Variants in SIPA1L3 observed in about 807,000 individuals in gnomAD.
SIPA1L3 encodes signal induced proliferation associated 1 like 3.
Under a neutral mutation model 150.1 loss-of-function variants are expected in SIPA1L3, and 59 were observed. The ratio of observed to expected loss-of-function variants is 0.39; its 90% CI spans 0.32 to 0.49. SIPA1L3 has a LOEUF of 0.49. SIPA1L3 is among the 20% of genes least tolerant of loss of function. The probability of loss-of-function intolerance (pLI) is 0.86; values close to 1 mark genes in which losing one functional copy is unlikely to be tolerated. For missense variants in SIPA1L3, 2,211 were observed against 2,489.5 expected, an observed-to-expected ratio of 0.89 and a Z score of 2.38; for synonymous variants, 1,070 against 1,077.6, an observed-to-expected ratio of 0.99 and a Z score of 0.14.
At chr19:38,171,767 G>A (rs891871684) in intron 15 of SIPA1L3, among the ~76,000 whole-genome samples, 1 of 152,088 alleles carries the variant, frequency 6.6e-6, no homozygotes, top group African/African-American at 2.4e-5. Flanking sequence ...TGAGGTGAGA[G>A]GATCACTTGA....
intron 16 of SIPA1L3, among the ~76,000 whole-genome samples, chr19:38,188,139 C>T (rs1972728484): frequency 6.6e-6 from 1 of 151,900 alleles, no homozygotes; most frequent in Non-Finnish European, 1.5e-5. Context: ...AGTCACTTCA[C>T]TTCTAACTCA....
chr19:38,162,171 A>T, intron 13 of SIPA1L3, 82 bp from the exon 14 acceptor site: 1 of 1,040,804 alleles, frequency 9.6e-7, no homozygotes, highest in Non-Finnish European at 1.5e-6. Flanking sequence ...GGGTGAGCAG[A>T]CAGTCTGGCA....
intron 4 of SIPA1L3, among the ~76,000 whole-genome samples, chr19:38,090,330 CAA>C (rs55941671): frequency 4.1e-4 from 29 of 70,316 alleles, no homozygotes; most frequent in Admixed American, 4.8e-4. Flanking sequence ...AACTCCATCT[CAA>C]AAAAAAAAAA....
rs771827295 is a variant in SIPA1L3 at position 38,182,641 on chromosome 19, CCTT to C, written c.4337_4339del (p.Phe1446del). 1.2e-5 allele frequency: 20 copies of C among 1,614,102 alleles called. No individual in the cohort carries two copies. The highest frequency in any genetic ancestry group is 1.1e-4 in the African/African-American group (8 of 74,942). The stretch of plus-strand genomic sequence containing the variant: ...CAGCTCTCCGCCTCCGTCCCCAAGT[CCTT>C]CTTCTCCAAGCAGCCTGTACGCAAT... On this transcript the variant is annotated inframe_deletion, in exon 16 of 22. Coordinates refer to ENST00000222345, the MANE Select transcript of SIPA1L3 (RefSeq NM_015073.3).
At chr19:37,950,556 C>A (rs1308296582) in intron 1 of SIPA1L3, among the ~76,000 whole-genome samples, 1 of 152,230 alleles carries the variant, frequency 6.6e-6, no homozygotes, top group Non-Finnish European at 1.5e-5. Context: ...CAAGAGATCC[C>A]AAGTTCCCTG....
intron 8 of SIPA1L3, among the ~76,000 whole-genome samples, chr19:38,114,760 G>A (rs572949504): frequency 1.1e-4 from 17 of 152,352 alleles, no homozygotes; most frequent in Admixed American, 7.2e-4. Flanking sequence ...AGCCTAGGGC[G>A]GCATCCAGCC....
At chr19:37,940,210 G>A (rs1599818345) in intron 1 of SIPA1L3, among the ~76,000 whole-genome samples, 1 of 151,796 alleles carries the variant, frequency 6.6e-6, no homozygotes, top group Non-Finnish European at 1.5e-5. Context: ...GAGCCCAGGA[G>A]GTCAAGGCTG....
At chr19:37,940,595 A>G (rs2046645453) in intron 1 of SIPA1L3, among the ~76,000 whole-genome samples, 1 of 152,134 alleles carries the variant, frequency 6.6e-6, no homozygotes, top group African/African-American at 2.4e-5. Flanking sequence ...TCACCATTGG[A>G]GTTGGTTCAT....
chr19:37,940,351 G>C (rs999027365), intron 1 of SIPA1L3, among the ~76,000 whole-genome samples: 4 of 151,312 alleles, frequency 2.6e-5, no homozygotes, highest in African/African-American at 9.7e-5. Context: ...TGACCACTCT[G>C]TTTTCTTCTA....
intron 1 of SIPA1L3, among the ~76,000 whole-genome samples, chr19:37,908,929 G>A (rs1330589881): frequency 6.6e-6 from 1 of 152,170 alleles, no homozygotes; most frequent in African/African-American, 2.4e-5. Flanking sequence ...TCCAGATGTG[G>A]AGCCTGTGCT....
intron 8 of SIPA1L3, among the ~76,000 whole-genome samples, chr19:38,113,029 G>A (rs1489752961): frequency 2.0e-5 from 3 of 152,064 alleles, no homozygotes; most frequent in African/African-American, 4.8e-5. Flanking sequence ...CCAACATGGT[G>A]AAACCCCATC....
intron 10 of SIPA1L3, among the ~76,000 whole-genome samples, chr19:38,138,910 A>AAAAAAAAAACAAAAAC (rs1343348254): frequency 1.8e-5 from 2 of 112,786 alleles, no homozygotes; most frequent in Admixed American, 9.4e-5. Context: ...AAAAAAAAAA[A>AAAAAAAAAACAAAAAC]AAAAACTGAG....
At chr19:38,162,715 T>C (rs1972121984) in intron 14 of SIPA1L3, among the ~76,000 whole-genome samples, 1 of 152,222 alleles carries the variant, frequency 6.6e-6, no homozygotes, top group Admixed American at 6.5e-5. Flanking sequence ...AGGTATTCAG[T>C]GAGCATCTAC....
At chr19:37,914,003 C>T (rs1468563767) in intron 1 of SIPA1L3, among the ~76,000 whole-genome samples, 6 of 118,268 alleles carry the variant, frequency 5.1e-5, no homozygotes, top group African/African-American at 1.7e-4. Context: ...CCAGCCTGGG[C>T]GGCAGAGTGA....
intron 2 of SIPA1L3, among the ~76,000 whole-genome samples, chr19:38,067,866 C>G (rs1441268709): frequency 6.6e-6 from 1 of 152,134 alleles, no homozygotes; most frequent in Non-Finnish European, 1.5e-5. Flanking sequence ...ACTCGTTGCT[C>G]TTCCAGCCAG....
Position 37,972,168 on chromosome 19 carries a change from A to AGTGTGTGTGTGTGT in SIPA1L3, c.-378-56896_-378-56883dup, listed in dbSNP as rs34744094. Among the ~76,000 whole-genome samples the AGTGTGTGTGTGTGT allele has an allele frequency of 2.3e-3, 335 of 145,032 alleles. 2 individuals are homozygous for AGTGTGTGTGTGTGT. Among genetic ancestry groups the AGTGTGTGTGTGTGT allele is most frequent in the African/African-American group, 4.6e-3 (178 of 39,048 alleles). ...TTTTAGGAATAAGGCAGAGATACCTAGTGTGTGTGTGTGTGTGTGTGTGTG... is the reference window on the plus strand; with the variant it reads ...TTTTAGGAATAAGGCAGAGATACCTAGTGTGTGTGTGTGTGTGTGTGTGTGTGTGTGTGTGTGTG... On this transcript the variant is annotated intron_variant, in intron 1 of 21. Transcript: ENST00000222345.
chr19:38,007,595 T>TTTA (rs759062297), intron 1 of SIPA1L3, among the ~76,000 whole-genome samples: 168 of 151,518 alleles, frequency 1.1e-3, no homozygotes, highest in East Asian at 2.7e-3. Flanking sequence ...CTCTTCATTA[T>TTTA]TTATTATTAT....
chr19:38,165,814 T>G (rs567343155), intron 15 of SIPA1L3, among the ~76,000 whole-genome samples: 22 of 152,294 alleles, frequency 1.4e-4, no homozygotes, highest in South Asian at 4.1e-4. Flanking sequence ...CAGGCCGGAG[T>G]GCAGTGGTGC....
chr19:38,100,987 CT>C (rs1250442171), intron 5 of SIPA1L3, 64 bp from the exon 6 acceptor site: 2 of 1,486,274 alleles, frequency 1.3e-6, no homozygotes, highest in Non-Finnish European at 1.8e-6. Context: ...AGACATACCC[CT>C]TGCTCCCTTC....
Sources: allele counts gnomAD v4.1 joint callset (sites outside exome capture counted in the v4.1 genomes callset), GRCh38; gene constraint gnomAD v4.1.1; transcripts MANE v1.5; gene names NCBI Gene and HGNC (gene_info 2026-07-23, HGNC 2026-07-21).